EDIL3: variants seen among roughly 807,000 people sequenced by gnomAD.
EDIL3 encodes the protein EGF like and discoidin domains 3.
EDIL3 carries 37 observed loss-of-function variants against 67.4 expected under a neutral mutation model. That is an observed-to-expected ratio of 0.55 (90% CI 0.42 to 0.72). The LOEUF (loss-of-function observed/expected upper bound fraction) is 0.72. Ranked by LOEUF, EDIL3 falls within the 30% of genes least tolerant of loss-of-function variation. The probability of loss-of-function intolerance (pLI) is 0.00; values close to 1 mark genes in which losing one functional copy is unlikely to be tolerated. For missense variants in EDIL3, 527 were observed against 586.3 expected (o/e 0.90, Z 1.04); for synonymous variants, 195 against 196.3 (o/e 0.99, Z 0.05).
intron 9 of EDIL3, among the ~76,000 whole-genome samples, chr5:84,011,122 G>A (rs900308822): frequency 1.3e-5 from 2 of 152,024 alleles, no homozygotes; most frequent in African/African-American, 2.4e-5. Context: ...ATATAACATT[G>A]CCTTCTGTTT....
intron 1 of EDIL3, among the ~76,000 whole-genome samples, chr5:84,382,083 T>C (rs1338532834): frequency 1.3e-5 from 2 of 152,166 alleles, no homozygotes; most frequent in Non-Finnish European, 2.9e-5. Context: ...TCTGCAGAGG[T>C]GAGGGAGAAA....
chr5:84,302,274 C>T (rs1345730923), intron 1 of EDIL3, among the ~76,000 whole-genome samples: 6 of 151,678 alleles, frequency 4.0e-5, no homozygotes, highest in Admixed American at 6.6e-5. Context: ...TTTAAATTCA[C>T]GATCTCAATT....
chr5:83,954,104 T>C (rs771682197), intron 10 of EDIL3, among the ~76,000 whole-genome samples: 1 of 151,786 alleles, frequency 6.6e-6, no homozygotes, highest in Non-Finnish European at 1.5e-5. Context: ...GGGAGACTTT[T>C]AATTGCTTAA....
chr5:84,111,087 G>T (rs1001211816), intron 5 of EDIL3, among the ~76,000 whole-genome samples: 1 of 152,020 alleles, frequency 6.6e-6, no homozygotes, highest in Non-Finnish European at 1.5e-5. Context: ...TGTGTGGCAC[G>T]TCTCTCTTCA....
At chr5:84,211,098 C>G (rs1180892233) in intron 3 of EDIL3, among the ~76,000 whole-genome samples, 1 of 152,124 alleles carries the variant, frequency 6.6e-6, no homozygotes, top group Non-Finnish European at 1.5e-5. Flanking sequence ...AATTTAAGGA[C>G]TTCTATGGTT....
intron 2 of EDIL3, among the ~76,000 whole-genome samples, chr5:84,249,769 A>G (rs1466498262): frequency 6.6e-6 from 1 of 152,148 alleles, no homozygotes; most frequent in African/African-American, 2.4e-5. Context: ...CAATTTAAAA[A>G]TTCTCAAGAT....
intron 3 of EDIL3, among the ~76,000 whole-genome samples, chr5:84,189,977 G>A (rs946262687): frequency 6.6e-6 from 1 of 151,926 alleles, no homozygotes; most frequent in African/African-American, 2.4e-5. Flanking sequence ...TTGTGAATTA[G>A]TGAATACCAT....
intron 1 of EDIL3, among the ~76,000 whole-genome samples, chr5:84,290,129 T>A (rs1365776720): frequency 6.6e-6 from 1 of 151,994 alleles, no homozygotes; most frequent in Non-Finnish European, 1.5e-5. Flanking sequence ...CTACTCATTC[T>A]CCTGCCCAAT....
intron 1 of EDIL3, among the ~76,000 whole-genome samples, chr5:84,380,933 T>C (rs1748062872): frequency 1.3e-5 from 2 of 152,086 alleles, no homozygotes; most frequent in African/African-American, 2.4e-5. Context: ...AAGCAAACTT[T>C]ATTAAATATT....
At chr5:84,159,254 A>T (rs2112337567) in intron 4 of EDIL3, among the ~76,000 whole-genome samples, 1 of 152,188 alleles carries the variant, frequency 6.6e-6, no homozygotes, top group South Asian at 2.1e-4. Context: ...ATCTTAGGTC[A>T]CTACATGAAA....
intron 3 of EDIL3, among the ~76,000 whole-genome samples, chr5:84,193,788 G>A (rs935895965): frequency 1.3e-5 from 2 of 151,780 alleles, no homozygotes; most frequent in African/African-American, 4.8e-5. Flanking sequence ...TTATGCTCCT[G>A]GAAATGTGAG....
intron 9 of EDIL3, among the ~76,000 whole-genome samples, chr5:84,037,413 T>C (rs1404907180): frequency 6.6e-6 from 1 of 152,230 alleles, no homozygotes; most frequent in Non-Finnish European, 1.5e-5. Context: ...TTCTACTTTA[T>C]TTTGGAGACA....
intron 3 of EDIL3, among the ~76,000 whole-genome samples, chr5:84,226,265 T>C (rs1178555969): frequency 6.6e-6 from 1 of 151,490 alleles, no homozygotes; most frequent in Admixed American, 6.6e-5. Context: ...GCTTGGAAAA[T>C]ACCATTCTGC....
intron 6 of EDIL3, among the ~76,000 whole-genome samples, chr5:84,077,007 A>G (rs1746872758): frequency 6.6e-6 from 1 of 152,234 alleles, no homozygotes; most frequent in Non-Finnish European, 1.5e-5. Context: ...TAGACTTAAA[A>G]AGGATTGACA....
chr5:84,137,476 C>G, intron 4 of EDIL3, 122 bp from the exon 5 acceptor site: 1 of 750,358 alleles, frequency 1.3e-6, no homozygotes, highest in Non-Finnish European at 2.1e-6. Context: ...TGTGTGTAGG[C>G]ATGTGTGTGT....
chr5:84,088,777 A>C (rs1481732498), intron 6 of EDIL3, among the ~76,000 whole-genome samples: 1 of 152,186 alleles, frequency 6.6e-6, no homozygotes, highest in Non-Finnish European at 1.5e-5. Context: ...TAACAAAATA[A>C]AGTGATCTAT....
At chr5:84,254,959 CAATT>C (rs1745099365) in intron 1 of EDIL3, among the ~76,000 whole-genome samples, 1 of 152,078 alleles carries the variant, frequency 6.6e-6, no homozygotes, top group Non-Finnish European at 1.5e-5. Context: ...TAGTGTGTAA[CAATT>C]GATAAAGCTG....
intron 9 of EDIL3, among the ~76,000 whole-genome samples, chr5:84,037,206 A>G (rs1746037722): frequency 6.6e-6 from 1 of 152,198 alleles, no homozygotes; most frequent in African/African-American, 2.4e-5. Flanking sequence ...GGGCTGGGAT[A>G]TTCCCTTCTT....
intron 5 of EDIL3, 89 bp from the exon 6 acceptor site, chr5:84,106,919 A>G (rs982290610): frequency 3.6e-6 from 5 of 1,404,878 alleles, no homozygotes; most frequent in Non-Finnish European, 4.8e-6. Flanking sequence ...ATTTTTTTAA[A>G]TGATTTGAAT....
Sources: allele counts gnomAD v4.1 joint callset (sites outside exome capture counted in the v4.1 genomes callset), GRCh38; gene constraint gnomAD v4.1.1; transcripts MANE v1.5; gene names NCBI Gene and HGNC (gene_info 2026-07-23, HGNC 2026-07-21).